Variants in ASIP observed in about 807,000 individuals in gnomAD.
ASIP encodes the protein agouti-signaling protein.
ASIP carries 11 observed loss-of-function variants against 10.3 expected under a neutral mutation model. The ratio of observed to expected loss-of-function variants is 1.07; its 90% CI spans 0.68 to 1.78. The LOEUF is 1.78. Among genes scored for constraint, ASIP ranks in the 40% most tolerant of loss-of-function variants. The pLI, the probability that ASIP is intolerant of heterozygous loss-of-function variation, is 0.00. For synonymous variants in ASIP, 70 were observed against 70.8 expected (o/e 0.99, Z 0.06); for missense variants, 180 against 169.2 (o/e 1.06, Z -0.35).
chr20:34,225,035 T>TTTTG (rs930879079), intron 1 of ASIP, among the ~76,000 whole-genome samples: 5 of 133,934 alleles, frequency 3.7e-5, no homozygotes, highest in Admixed American at 1.6e-4. Context: ...GCACCTTTGT[T>TTTTG]TTTGTTTGTT....
At chr20:34,192,067 G>A (rs2034827435), upstream of ASIP, among the ~76,000 whole-genome samples, 1 of 151,226 alleles carries the variant, frequency 6.6e-6, no homozygotes, top group South Asian at 2.1e-4. Context: ...TGGAGATGGA[G>A]TTTCGCTCTT....
At chr20:34,262,737 T>C in intron 2 of ASIP, 95 bp from the exon 3 acceptor site, 2 of 1,402,722 alleles carry the variant, frequency 1.4e-6, no homozygotes, top group Middle Eastern at 1.8e-4. Context: ...CTCCCTGACC[T>C]TGTGACTTCC....
At chr20:34,258,359 T>A (rs1028175913) in intron 1 of ASIP, among the ~76,000 whole-genome samples, 2 of 150,598 alleles carry the variant, frequency 1.3e-5, no homozygotes, top group Non-Finnish European at 3.0e-5. Flanking sequence ...TTTTTTTTTT[T>A]AATAGAATCA....
At chr20:34,190,834 TGA>T (rs2034820531), upstream of ASIP, among the ~76,000 whole-genome samples, 1 of 152,214 alleles carries the variant, frequency 6.6e-6, no homozygotes, top group Non-Finnish European at 1.5e-5. Context: ...GCCCCAATCC[TGA>T]GCAATCCCAG....
intron 1 of ASIP, among the ~76,000 whole-genome samples, chr20:34,212,921 A>AT (rs2122550800): frequency 6.6e-6 from 1 of 152,310 alleles, no homozygotes; most frequent in East Asian, 1.9e-4. Flanking sequence ...CAAAATTAAG[A>AT]TTTTCCAACT....
chr20:34,248,322 A>G (rs1293206358), intron 1 of ASIP, among the ~76,000 whole-genome samples: 1 of 152,214 alleles, frequency 6.6e-6, no homozygotes, highest in Non-Finnish European at 1.5e-5. Flanking sequence ...AAAACATTCT[A>G]CTGACTGTCT....
chr20:34,246,948 G>GT (rs959680980), intron 1 of ASIP, among the ~76,000 whole-genome samples: 7 of 150,598 alleles, frequency 4.6e-5, no homozygotes, highest in South Asian at 2.1e-4. Flanking sequence ...TATGTTTTTA[G>GT]TTTTTTTTGT....
intron 1 of ASIP, among the ~76,000 whole-genome samples, chr20:34,201,746 T>C (rs2034901380): frequency 6.6e-6 from 1 of 152,202 alleles, no homozygotes; most frequent in South Asian, 2.1e-4. Flanking sequence ...GCAAGGCTGA[T>C]TTGCTTTCAC....
At chr20:34,264,542 A>C (rs571199755) in intron 3 of ASIP, among the ~76,000 whole-genome samples, 1 of 152,326 alleles carries the variant, frequency 6.6e-6, no homozygotes, top group South Asian at 2.1e-4. Flanking sequence ...GAAGCAAAGA[A>C]GAGTCATGAC....
chr20:34,237,915 T>C (rs1417806596), upstream of ASIP, among the ~76,000 whole-genome samples: 1 of 152,212 alleles, frequency 6.6e-6, no homozygotes, highest in Non-Finnish European at 1.5e-5. Context: ...GATAATCTGA[T>C]ATAGGATTCT....
In ASIP at chr20:34,268,551, G is replaced by A. The variant is rs182177142; in HGVS notation, c.223-440G>A. Among the ~76,000 whole-genome samples, 6 of 152,056 alleles carry A rather than the reference G, an allele frequency of 3.9e-5. No individual in the cohort carries two copies. The East Asian group carries it at 7.7e-4, about 20-fold the overall frequency. ...CAACCTGGACAATAAGTGAGACCCC[G>A]TCTATAAAAACATAGAAAATAAAAT... is the stretch of plus-strand genomic sequence containing the variant. On this transcript the variant is annotated intron_variant, in intron 3 of 3. Coordinates refer to ENST00000374954, the MANE Select transcript of ASIP (RefSeq NM_001672.3).
At chr20:34,193,622 C>G (rs2034837576), upstream of ASIP, among the ~76,000 whole-genome samples, 1 of 152,170 alleles carries the variant, frequency 6.6e-6, no homozygotes, top group African/African-American at 2.4e-5. Flanking sequence ...TTGTACATGA[C>G]AGAATTATCC....
chr20:34,191,475 G>A (rs1264702379), upstream of ASIP, among the ~76,000 whole-genome samples: 1 of 152,140 alleles, frequency 6.6e-6, no homozygotes, highest in Non-Finnish European at 1.5e-5. Context: ...TCTGTGGGAG[G>A]CCTGGAGCAG....
intron 1 of ASIP, among the ~76,000 whole-genome samples, chr20:34,203,100 T>C (rs1357726972): frequency 2.0e-5 from 3 of 151,638 alleles, no homozygotes; most frequent in Non-Finnish European, 4.4e-5. Flanking sequence ...GAGCCTTGGC[T>C]ATTCTTGAAC....
At chr20:34,190,807 G>A (rs553535013), upstream of ASIP, among the ~76,000 whole-genome samples, 70 of 152,252 alleles carry the variant, frequency 4.6e-4, no homozygotes, top group Admixed American at 7.9e-4. Flanking sequence ...GATGTGTTTC[G>A]CAGCAAGGCT....
chr20:34,221,107 G>A (rs1297139811), intron 1 of ASIP, among the ~76,000 whole-genome samples: 2 of 151,934 alleles, frequency 1.3e-5, no homozygotes, highest in East Asian at 3.9e-4. Flanking sequence ...GGCCAGGCGC[G>A]ATGGCTCACG....
chr20:34,221,696 T>C (rs755882908), intron 1 of ASIP, among the ~76,000 whole-genome samples: 1 of 152,096 alleles, frequency 6.6e-6, no homozygotes, highest in Non-Finnish European at 1.5e-5. Context: ...TGGAAAAGAT[T>C]TTAGAAAAAG....
At chr20:34,256,331 T>A (rs2035567980) in intron 1 of ASIP, among the ~76,000 whole-genome samples, 1 of 152,198 alleles carries the variant, frequency 6.6e-6, no homozygotes, top group African/African-American at 2.4e-5. Context: ...GCCTTGGTGG[T>A]AGTGGTCCCC....
chr20:34,195,761 T>A (rs1601566859), intron 1 of ASIP, among the ~76,000 whole-genome samples: 1 of 152,348 alleles, frequency 6.6e-6, no homozygotes, highest in East Asian at 1.9e-4. Flanking sequence ...TAAGGACAGA[T>A]ATAGCCAAAA....
Sources: allele counts gnomAD v4.1 joint callset (sites outside exome capture counted in the v4.1 genomes callset), GRCh38; gene constraint gnomAD v4.1.1; transcripts MANE v1.5; gene names NCBI Gene and HGNC (gene_info 2026-07-23, HGNC 2026-07-21).